The following LIPA variants were observed in gnomAD, a reference collection of about 807,000 sequenced individuals.
The protein encoded by LIPA is lipase A, lysosomal acid type.
In LIPA, 26 loss-of-function variants were observed where a neutral mutation model predicts 40.6. That is an observed-to-expected ratio of 0.64 (90% confidence interval 0.47 to 0.89). The LOEUF is 0.89. Among genes scored for constraint, LIPA ranks in the 40% least tolerant of loss-of-function variants. LIPA has a pLI of 0.00. For synonymous variants in LIPA, 188 were observed against 168.4 expected (o/e 1.12, Z -0.90); for missense variants, 455 against 479.6 (o/e 0.95, Z 0.48).
At chr10:89,317,603 A>G (rs1843548062) in intron 1 of LIPA, among the ~76,000 whole-genome samples, 1 of 152,276 alleles carries the variant, frequency 6.6e-6, no homozygotes, top group South Asian at 2.1e-4. Flanking sequence ...GGTGTACCTG[A>G]AAGTGACACG....
intron 1 of LIPA, among the ~76,000 whole-genome samples, chr10:89,260,599 G>C (rs1843202762): frequency 6.6e-6 from 1 of 152,196 alleles, no homozygotes; most frequent in African/African-American, 2.4e-5. Context: ...CCTACTTGGA[G>C]GTGCCGACAC....
intron 2 of LIPA, among the ~76,000 whole-genome samples, chr10:89,386,598 T>A (rs568077834): frequency 2.6e-5 from 4 of 152,304 alleles, no homozygotes; most frequent in African/African-American, 9.6e-5. Context: ...AGGACATATC[T>A]CTACTAATTA....
At chr10:89,361,885 T>A (rs1844024860) in intron 2 of LIPA, among the ~76,000 whole-genome samples, 2 of 109,002 alleles carry the variant, frequency 1.8e-5, no homozygotes, top group Non-Finnish European at 3.7e-5. Context: ...CTTTTTTTTT[T>A]TTTTTTTTTT....
At chr10:89,387,317 CAA>C (rs565296927) in intron 2 of LIPA, among the ~76,000 whole-genome samples, 17 of 83,610 alleles carry the variant, frequency 2.0e-4, no homozygotes, top group Admixed American at 5.3e-4. Flanking sequence ...GACTCCGTCT[CAA>C]AAAAAAAAAA....
intron 1 of LIPA, among the ~76,000 whole-genome samples, chr10:89,269,743 T>G (rs1843255812): frequency 6.6e-6 from 1 of 152,242 alleles, no homozygotes; most frequent in Non-Finnish European, 1.5e-5. Flanking sequence ...GTCCTATAAC[T>G]GACTCTCCAT....
intron 1 of LIPA, among the ~76,000 whole-genome samples, chr10:89,303,817 A>G (rs181236728): frequency 2.0e-5 from 3 of 152,354 alleles, no homozygotes; most frequent in African/African-American, 7.2e-5. Flanking sequence ...AATAGAATTG[A>G]GAGGGAGCAA....
rs2133433245 is a variant in LIPA at position 89,226,963 on chromosome 10, T to G, written c.470A>C (p.Asn157Thr). 2 of 1,613,598 alleles carry G rather than the reference T, an allele frequency of 1.2e-6. No individual in the cohort carries two copies. The highest frequency in any genetic ancestry group is 4.5e-5 in the East Asian group (2 of 44,870). ...TTGGCCAGTTTTATTCAGAATGAAG[T>G]TAATGGAAGCTGGTAGGTCATATTT... is the stretch of plus-strand genomic sequence containing the variant. ...MAKYDLPASINFILNKTGQEQ... is the reference protein window; with the variant it reads ...MAKYDLPASITFILNKTGQEQ... Residue 157 changes from asparagine to threonine, a missense_variant, in exon 5 of 10, where the codon AAC becomes ACC. Asn to Thr is a moderately conservative substitution (Grantham distance 65, BLOSUM62 0). Transcript: ENST00000336233.
At chr10:89,225,336 A>G (rs1564753817) in intron 5 of LIPA, 108 bp from the exon 6 acceptor site, 1 of 1,347,050 alleles carries the variant, frequency 7.4e-7, no homozygotes, top group Non-Finnish European at 1.1e-6. Context: ...CCTGAGACCC[A>G]CGCAAACAAT....
chr10:89,218,532 A>C (rs1251082181), intron 8 of LIPA, among the ~76,000 whole-genome samples: 1 of 152,230 alleles, frequency 6.6e-6, no homozygotes, highest in African/African-American at 2.4e-5. Context: ...GCCAAGATAG[A>C]AACCACATCC....
At chr10:89,249,378 A>C (rs1391428763) in intron 1 of LIPA, among the ~76,000 whole-genome samples, 2 of 152,224 alleles carry the variant, frequency 1.3e-5, no homozygotes, top group Non-Finnish European at 2.9e-5. Context: ...AGATCCCAGA[A>C]CTTCTACATT....
chr10:89,405,055 G>C (rs1258866416), intron 2 of LIPA: 2 of 152,096 alleles, frequency 1.3e-5, no homozygotes, highest in Non-Finnish European at 2.9e-5. Flanking sequence ...CAAAAATACT[G>C]TAATAAACAG....
intron 1 of LIPA, among the ~76,000 whole-genome samples, chr10:89,271,910 A>C (rs1380398005): frequency 1.3e-5 from 2 of 151,696 alleles, no homozygotes; most frequent in Admixed American, 6.6e-5. Context: ...AAAAAAAAAA[A>C]CCCACAAAAA....
chr10:89,377,019 C>T (rs1844126666), intron 2 of LIPA, among the ~76,000 whole-genome samples: 1 of 152,186 alleles, frequency 6.6e-6, no homozygotes, highest in South Asian at 2.1e-4. Flanking sequence ...TGCCCTTTTG[C>T]TTATCTTGGT....
At chr10:89,339,632 T>C (rs1217585463) in intron 1 of LIPA, 2 of 1,614,220 alleles carry the variant, frequency 1.2e-6, no homozygotes, top group Admixed American at 3.3e-5. Context: ...GAGAAGGGAC[T>C]GAATCCTCTG....
intron 8 of LIPA, among the ~76,000 whole-genome samples, chr10:89,217,724 C>A (rs966142107): frequency 2.0e-5 from 3 of 152,196 alleles, no homozygotes; most frequent in Non-Finnish European, 4.4e-5. Flanking sequence ...TAATAAGTAA[C>A]AATCCCTTGT....
Position 89,214,888 on chromosome 10 carries a change from G to T in LIPA, c.1140C>A (p.Gly380=), listed in dbSNP as rs1842601536. The T allele has an allele frequency of 6.2e-7, 1 of 1,613,732 alleles. No homozygotes were observed. The highest frequency in any genetic ancestry group is 1.3e-5 in the African/African-American group (1 of 74,898). The change falls in exon 10 of 10, where the codon GGC becomes GGA. Residue 380 remains glycine, a synonymous_variant. Transcript: ENST00000336233. ...PEWEHLDFIW[G]LDAPWRLYNK... The stretch of plus-strand genomic sequence containing the variant: ...TATAAAGCCTCCAAGGGGCATCCAG[G>T]CCCCAAATGAAGTCAAGATGCTCCC...
chr10:89,224,882 T>C (rs542683858), intron 6 of LIPA, among the ~76,000 whole-genome samples: 316 of 152,262 alleles, frequency 2.1e-3, no homozygotes, highest in Middle Eastern at 0.01. Flanking sequence ...TAACCATGAG[T>C]ACACGTGGCA....
chr10:89,404,675 G>A (rs992150215), intron 2 of LIPA: 8 of 152,274 alleles, frequency 5.3e-5, no homozygotes, highest in African/African-American at 2.4e-5. Flanking sequence ...TGCAGGAGAG[G>A]AGGCTGCAGT....
At chr10:89,254,340 C>A (rs765322135), upstream of LIPA, among the ~76,000 whole-genome samples, 1 of 152,246 alleles carries the variant, frequency 6.6e-6, no homozygotes, top group Non-Finnish European at 1.5e-5. Context: ...CTCAACACCA[C>A]ATGGAAACTG....
Sources: allele counts gnomAD v4.1 joint callset (sites outside exome capture counted in the v4.1 genomes callset), GRCh38; gene constraint gnomAD v4.1.1; transcripts MANE v1.5; gene names NCBI Gene and HGNC (gene_info 2026-07-23, HGNC 2026-07-21).